Variants in KALRN observed in about 807,000 individuals in gnomAD.
KALRN encodes kalirin RhoGEF kinase.
In KALRN, 70 loss-of-function variants were observed where a neutral mutation model predicts 353.7. The ratio of observed to expected loss-of-function variants is 0.20; its 90% CI spans 0.16 to 0.24. The LOEUF (loss-of-function observed/expected upper bound fraction) is 0.24, where lower values mean the gene tolerates loss of function less well. KALRN is among the 10% of genes least tolerant of loss of function. KALRN has a pLI of 1.00. For missense variants in KALRN, 2,791 were observed against 3,756.7 expected, an observed-to-expected ratio of 0.74 and a Z score of 6.72; for synonymous variants, 1,391 against 1,434.8, an observed-to-expected ratio of 0.97 and a Z score of 0.69.
chr3:124,625,948 GTGCA>G (rs1440348778), intron 34 of KALRN, among the ~76,000 whole-genome samples: 2 of 152,086 alleles, frequency 1.3e-5, no homozygotes, highest in Non-Finnish European at 2.9e-5. Flanking sequence ...GGGTGTGGTG[GTGCA>G]TGCCTGTAAT....
At chr3:124,340,695 C>G (rs921983819) in intron 9 of KALRN, among the ~76,000 whole-genome samples, 2 of 152,106 alleles carry the variant, frequency 1.3e-5, no homozygotes, top group African/African-American at 2.4e-5. Context: ...TGGCTCACAC[C>G]TGTAATCCCA....
chr3:124,186,447 A>C (rs1331193440), intron 1 of KALRN, among the ~76,000 whole-genome samples: 1 of 152,198 alleles, frequency 6.6e-6, no homozygotes, highest in African/African-American at 2.4e-5. Context: ...AATAAGTTAA[A>C]GATGATTAGA....
At chr3:124,123,878 C>T (rs1168027532) in intron 1 of KALRN, among the ~76,000 whole-genome samples, 1 of 152,168 alleles carries the variant, frequency 6.6e-6, no homozygotes, top group Non-Finnish European at 1.5e-5. Flanking sequence ...ACCCACTGCT[C>T]AGAAAAAGAG....
intron 1 of KALRN, among the ~76,000 whole-genome samples, chr3:124,183,938 C>T (rs2073917515): frequency 6.6e-6 from 1 of 152,134 alleles, no homozygotes; most frequent in African/African-American, 2.4e-5. Flanking sequence ...AAGAGAGATA[C>T]AAACAAATCA....
At chr3:124,256,059 T>A (rs2071928693) in intron 3 of KALRN, among the ~76,000 whole-genome samples, 1 of 152,122 alleles carries the variant, frequency 6.6e-6, no homozygotes, top group African/African-American at 2.4e-5. Flanking sequence ...GGTCAGATGA[T>A]AATGGGCGGT....
chr3:124,258,029 G>A (rs1455755299), intron 3 of KALRN, among the ~76,000 whole-genome samples: 1 of 152,166 alleles, frequency 6.6e-6, no homozygotes, highest in South Asian at 2.1e-4. Flanking sequence ...CACTGTAAAC[G>A]GGTCTGCTCA....
chr3:124,241,338 T>C (rs1371374623), intron 3 of KALRN, among the ~76,000 whole-genome samples: 2 of 152,200 alleles, frequency 1.3e-5, no homozygotes, highest in Non-Finnish European at 2.9e-5. Context: ...TATTGTGATG[T>C]GCAACAACAT....
chr3:124,624,552 G>T (rs2079712825), intron 34 of KALRN, among the ~76,000 whole-genome samples: 1 of 152,198 alleles, frequency 6.6e-6, no homozygotes, highest in African/African-American at 2.4e-5. Context: ...TGGAGTTGTT[G>T]CCCCAAGGCT....
In KALRN at chr3:124,152,378, G is replaced by A. The variant is rs549725727; in HGVS notation, c.74-75612G>A. The A allele has an allele frequency of 2.1e-5, 25 of 1,206,522 alleles. 1 individual carries two copies. In the Middle Eastern group the frequency reaches 5.7e-4, roughly 28 times the overall value. 74.7% of individuals were successfully genotyped at this position (1,206,522 alleles called of 1,614,324 possible). On this transcript the variant is annotated intron_variant, in intron 1 of 59. Coordinates refer to ENST00000682506, the MANE Select transcript of KALRN (RefSeq NM_001388419.1). ...AGGCGAAGAAGCTGCAACACCTTTCGGACCTTTGGGCTCACACTATTGATA... is the reference window on the plus strand; with the variant it reads ...AGGCGAAGAAGCTGCAACACCTTTCAGACCTTTGGGCTCACACTATTGATA...
chr3:124,282,006 G>A (rs2075389074), intron 5 of KALRN, among the ~76,000 whole-genome samples: 1 of 152,178 alleles, frequency 6.6e-6, no homozygotes, highest in Non-Finnish European at 1.5e-5. Flanking sequence ...CCTTGCAATG[G>A]AAAGAGTGAT....
At chr3:124,117,482 C>T (rs2063562271) in intron 1 of KALRN, among the ~76,000 whole-genome samples, 1 of 152,028 alleles carries the variant, frequency 6.6e-6, no homozygotes, top group Non-Finnish European at 1.5e-5. Flanking sequence ...CCTCTCTGAC[C>T]CTTGTAGTGC....
chr3:124,676,057 C>A (rs1330234277), intron 49 of KALRN, among the ~76,000 whole-genome samples: 1 of 151,990 alleles, frequency 6.6e-6, no homozygotes. Context: ...GGATAAAGGC[C>A]CTCAAAGCAT....
chr3:124,276,333 T>A (rs367742422), intron 5 of KALRN, among the ~76,000 whole-genome samples: 1 of 152,154 alleles, frequency 6.6e-6, no homozygotes, highest in South Asian at 2.1e-4. Context: ...TTGCAGGACA[T>A]CCCCAGGATG....
intron 30 of KALRN, 34 bp from the exon 31 acceptor site, chr3:124,491,289 T>C: frequency 2.0e-6 from 2 of 1,015,644 alleles, no homozygotes; most frequent in South Asian, 1.5e-5. Flanking sequence ...TGCCCTCCCC[T>C]TCCCCGCCTC....
intron 5 of KALRN, among the ~76,000 whole-genome samples, chr3:124,296,392 C>G (rs539490188): frequency 6.6e-6 from 1 of 152,288 alleles, no homozygotes; most frequent in African/African-American, 2.4e-5. Context: ...CCCACCTTCT[C>G]CTCTCTAAAC....
In KALRN at chr3:124,398,719, A is replaced by G; in HGVS notation, c.2194A>G (p.Lys732Glu). The G allele has an allele frequency of 6.2e-7, 1 of 1,614,142 alleles. No homozygotes were observed. The highest frequency in any genetic ancestry group is 2.2e-5 in the East Asian group (1 of 44,876). Residue 732 changes from lysine (K) to glutamate (E), a missense_variant, in exon 13 of 60, where the codon AAA becomes GAA. Transcript: ENST00000682506. The stretch of plus-strand genomic sequence containing the variant: ...CAGGGACTCGGCTGTGTCCAACAAC[A>G]AAACACCCCACAGCAGCTCCATCAG... ...EARDSAVSNN[K>E]TPHSSSISHI...
chr3:124,463,238 A>C (rs1461532177), intron 25 of KALRN, among the ~76,000 whole-genome samples: 1 of 152,268 alleles, frequency 6.6e-6, no homozygotes, highest in Non-Finnish European at 1.5e-5. Flanking sequence ...AAAAATTGGC[A>C]TGATAAGTTA....
intron 33 of KALRN, among the ~76,000 whole-genome samples, chr3:124,530,456 A>G (rs2109137890): frequency 6.6e-6 from 1 of 152,148 alleles, no homozygotes; most frequent in South Asian, 2.1e-4. Flanking sequence ...CAGTGGTGTG[A>G]TCATAGCTCA....
chr3:124,657,367 C>A, intron 39 of KALRN, 81 bp from the exon 40 acceptor site: 1 of 903,082 alleles, frequency 1.1e-6, no homozygotes. Flanking sequence ...TGTGGGCTTG[C>A]AGGGGTGCTG....
Sources: gnomAD v4.1 joint callset for allele counts (sites outside exome capture counted in the v4.1 genomes callset) on GRCh38, gnomAD v4.1.1 for gene constraint, MANE v1.5 for transcripts, NCBI Gene and HGNC (gene_info 2026-07-23, HGNC 2026-07-21) for gene names.